RALB: variants seen among roughly 807,000 people sequenced by gnomAD.
RALB encodes the protein RAS like proto-oncogene B, also known as ras-related protein Ral-B.
A neutral mutation model predicts 21.3 loss-of-function variants in RALB; 16 were observed. The ratio of observed to expected loss-of-function variants is 0.75; its 90% confidence interval spans 0.51 to 1.14. RALB has a LOEUF of 1.14. RALB is among the 50% of genes most tolerant of loss of function. RALB has a pLI of 0.00. For missense variants in RALB, 161 were observed against 256.2 expected (o/e 0.63, Z 2.54); for synonymous variants, 93 against 96.1 (o/e 0.97, Z 0.19).
At chr2:120,263,207 C>T (rs115178191) in intron 1 of RALB, among the ~76,000 whole-genome samples, 410 of 152,328 alleles carry the variant, frequency 2.7e-3, no homozygotes, top group South Asian at 5.2e-3. Flanking sequence ...TTCTCACTGT[C>T]GCCCAGGCTG....
chr2:120,240,848 G>A (rs866935103), intron 1 of RALB, among the ~76,000 whole-genome samples: 2 of 152,168 alleles, frequency 1.3e-5, no homozygotes, highest in African/African-American at 4.8e-5. Context: ...AGTGTGTGGG[G>A]ACTTGGGGAG....
chr2:120,274,342 TA>T (rs146622406), intron 1 of RALB, among the ~76,000 whole-genome samples: 34 of 145,358 alleles, frequency 2.3e-4, no homozygotes, highest in South Asian at 4.4e-4. Context: ...CTCACTTATT[TA>T]AAAAAAAAAA....
At chr2:120,246,785 C>T (rs758341638) in intron 1 of RALB, among the ~76,000 whole-genome samples, 5 of 151,724 alleles carry the variant, frequency 3.3e-5, no homozygotes, top group South Asian at 2.1e-4. Flanking sequence ...GCAGAGGTCA[C>T]GGGGACTGTG....
Position 120,286,065 on chromosome 2 carries a change from A to G in RALB, c.306A>G (p.Thr102=), listed in dbSNP as rs1690126201. The change falls in exon 3 of 5, where the codon ACA becomes ACG. Residue 102 remains threonine, a synonymous_variant. Coordinates refer to ENST00000272519, the MANE Select transcript of RALB (RefSeq NM_002881.3). The stretch of plus-strand genomic sequence containing the variant: ...CAATCACAGAACATGAATCCTTTAC[A>G]GCAACTGCCGAATTCAGGTATGTCT... The part of the protein sequence containing the change: ...VFSITEHESF[T]ATAEFREQIL... 1 of 1,614,010 alleles carries G rather than the reference A, an allele frequency of 6.2e-7. No individual in the cohort carries two copies.
intron 1 of RALB, 104 bp downstream of exon 1, chr2:120,253,084 G>A (rs1413848989): frequency 1.4e-5 from 11 of 794,906 alleles, no homozygotes; most frequent in Non-Finnish European, 1.7e-5. Context: ...GCCGGGCTGT[G>A]GCCGGGCGGC....
At chr2:120,279,772 T>C (rs946102692) in intron 2 of RALB, among the ~76,000 whole-genome samples, 2 of 152,134 alleles carry the variant, frequency 1.3e-5, no homozygotes, top group Admixed American at 6.5e-5. Flanking sequence ...CATGGCTTTA[T>C]GAGATTTGCG....
upstream of RALB, among the ~76,000 whole-genome samples, chr2:120,249,812 C>T (rs1252459066): frequency 6.6e-6 from 1 of 152,188 alleles, no homozygotes; most frequent in Non-Finnish European, 1.5e-5. Flanking sequence ...TCTGTATAAC[C>T]GAGAAGCCCC....
rs971248931 is a variant in RALB, at chr2:120,294,131, G to C, written c.*871G>C. 2 of 398,472 alleles carry C rather than the reference G, an allele frequency of 5.0e-6. No individual in the cohort carries two copies. Among genetic ancestry groups the C allele is most frequent in the South Asian group, 1.3e-4 (1 of 7,860 alleles). 24.7% of individuals were successfully genotyped at this position (398,472 alleles called of 1,614,324 possible). ...CCACTAGTGGTGAATGCATGTGTCT[G>C]TCTGATCAGCATCACTGCACACGGA... On this transcript the variant is annotated 3_prime_UTR_variant, in exon 5 of 5. Transcript: ENST00000272519.
upstream of RALB, chr2:120,252,840 C>T: frequency 1.0e-6 from 1 of 985,678 alleles, no homozygotes; most frequent in African/African-American, 1.7e-5. Context: ...CGGAGGCGCG[C>T]TCGGGGGGTG....
At chr2:120,293,068 G>A in intron 4 of RALB, 73 bp from the exon 5 acceptor site, 1 of 1,456,092 alleles carries the variant, frequency 6.9e-7, no homozygotes, top group East Asian at 2.4e-5. Flanking sequence ...ACAGTGTCAG[G>A]TTAACAAAAG....
At chr2:120,284,343 A>G (rs1240462810) in intron 2 of RALB, among the ~76,000 whole-genome samples, 19 of 152,352 alleles carry the variant, frequency 1.2e-4, no homozygotes, top group Non-Finnish European at 1.5e-5. Context: ...AAAAAATTTT[A>G]AATCACAGCC....
chr2:120,249,538 G>A (rs1487004118), upstream of RALB, among the ~76,000 whole-genome samples: 1 of 152,114 alleles, frequency 6.6e-6, no homozygotes, highest in African/African-American at 2.4e-5. Flanking sequence ...CTGAGAGCGG[G>A]GATAAGAATA....
intron 1 of RALB, among the ~76,000 whole-genome samples, chr2:120,264,999 A>G (rs1689466014): frequency 6.6e-6 from 1 of 152,184 alleles, no homozygotes; most frequent in Non-Finnish European, 1.5e-5. Context: ...TTATCTATTG[A>G]TGGACATTTG....
intron 1 of RALB, chr2:120,253,532 G>C (rs1257697775): frequency 4.1e-6 from 4 of 985,554 alleles, no homozygotes; most frequent in Non-Finnish European, 4.8e-6. Flanking sequence ...GGGGCCAGCG[G>C]CGAAGGGGCT....
chr2:120,264,250 A>C (rs1689442988), intron 1 of RALB, among the ~76,000 whole-genome samples: 1 of 150,964 alleles, frequency 6.6e-6, no homozygotes, highest in South Asian at 2.1e-4. Context: ...TTCTGGGTTC[A>C]AGCAATTCTC....
Position 120,294,434 on chromosome 2 carries a change from T to C in RALB, c.*1174T>C, listed in dbSNP as rs1411758507. 3.0e-5 allele frequency: 12 copies of C among 396,668 alleles called. No homozygotes were observed. The highest frequency in any genetic ancestry group is 4.9e-5 in the Non-Finnish European group (11 of 225,220). The allele number at this position is 396,668 out of a possible 1,614,324, so 24.6% of individuals were successfully genotyped here. On this transcript the variant is annotated 3_prime_UTR_variant, in exon 5 of 5. Coordinates refer to ENST00000272519, the MANE Select transcript of RALB (RefSeq NM_002881.3). ...TCATTGATGACATATCTTTAAACTT[T>C]CTTGCATCAGTATTCTAAATTGAGC...
At position 120,286,064 on chromosome 2, in the gene RALB, C is replaced by CAGCA; in HGVS notation, c.307_310dup (p.Thr104SerfsTer15). 1 of 1,613,986 alleles carries CAGCA rather than the reference C, an allele frequency of 6.2e-7. No individual in the cohort carries two copies. Among genetic ancestry groups the CAGCA allele is most frequent in the Non-Finnish European group, 8.5e-7 (1 of 1,179,954 alleles). ...TCAATCACAGAACATGAATCCTTTACAGCAACTGCCGAATTCAGGTATGTC... is the reference window on the plus strand; with the variant it reads ...TCAATCACAGAACATGAATCCTTTACAGCAAGCAACTGCCGAATTCAGGTATGTC... On this transcript the variant is annotated frameshift_variant, in exon 3 of 5. Coordinates refer to ENST00000272519, the MANE Select transcript of RALB (RefSeq NM_002881.3). LOFTEE classifies it high-confidence loss of function.
Position 120,293,827 on chromosome 2 carries a change from G to T in RALB, c.*567G>T. 4.2e-6 allele frequency: 1 copy of T among 240,838 alleles called. No homozygotes were observed. The highest frequency in any genetic ancestry group is 7.9e-6 in the Non-Finnish European group (1 of 127,124). 14.9% of individuals were successfully genotyped at this position (240,838 alleles called of 1,614,324 possible). The stretch of plus-strand genomic sequence containing the variant: ...AATGAATTTGAATTGCGCCAGATAG[G>T]TCAATACCAAGCTTCTGATTCCTCC... On this transcript the variant is annotated 3_prime_UTR_variant, in exon 5 of 5. Coordinates refer to ENST00000272519, the MANE Select transcript of RALB (RefSeq NM_002881.3).
At chr2:120,250,457 T>C (rs896783608), upstream of RALB, among the ~76,000 whole-genome samples, 3 of 152,184 alleles carry the variant, frequency 2.0e-5, no homozygotes, top group South Asian at 2.1e-4. Context: ...AAGTGATCGG[T>C]TAGAGCTAGT....
Sources: gnomAD v4.1 joint callset for allele counts (sites outside exome capture counted in the v4.1 genomes callset) on GRCh38, gnomAD v4.1.1 for gene constraint, MANE v1.5 for transcripts, NCBI Gene and HGNC (gene_info 2026-07-23, HGNC 2026-07-21) for gene names.